KHDRBS2: variants seen among roughly 807,000 people sequenced by gnomAD.
KHDRBS2 encodes the protein KH RNA binding domain containing, signal transduction associated 2.
KHDRBS2 carries 26 observed loss-of-function variants against 44.3 expected under a neutral mutation model. The ratio of observed to expected loss-of-function variants is 0.59; its 90% CI spans 0.43 to 0.81. KHDRBS2 has a LOEUF of 0.81. Ranked by LOEUF, KHDRBS2 falls within the 40% of genes least tolerant of loss-of-function variation. KHDRBS2 has a pLI of 0.00. For missense variants in KHDRBS2, 476 were observed against 433.1 expected (o/e 1.10, Z -0.88); for synonymous variants, 194 against 151.1 (o/e 1.28, Z -2.08).
At chr6:62,202,927 T>C (rs1468068823) in intron 1 of KHDRBS2, among the ~76,000 whole-genome samples, 2 of 152,134 alleles carry the variant, frequency 1.3e-5, no homozygotes, top group African/African-American at 2.4e-5. Context: ...GAAAAGGTCA[T>C]AGCAACTATA....
At chr6:61,683,619 TATAG>T (rs1409636438) in intron 8 of KHDRBS2, among the ~76,000 whole-genome samples, 7 of 151,818 alleles carry the variant, frequency 4.6e-5, no homozygotes, top group African/African-American at 1.5e-4. Flanking sequence ...ATATATTTGT[TATAG>T]AGTTAAAGAT....
chr6:61,732,567 T>C (rs1462861904), intron 7 of KHDRBS2, 115 bp downstream of exon 7: 5 of 690,184 alleles, frequency 7.2e-6, no homozygotes, highest in Admixed American at 2.4e-5. Flanking sequence ...AGAAAGATAA[T>C]GGAGAAAAAA....
intron 7 of KHDRBS2, among the ~76,000 whole-genome samples, chr6:61,713,582 T>C (rs1407782793): frequency 1.9e-5 from 1 of 53,198 alleles, no homozygotes; most frequent in Non-Finnish European, 3.3e-5. Flanking sequence ...TACCTTTAGC[T>C]TTTTTTTTTT....
At chr6:61,826,626 C>T (rs1445167166) in intron 6 of KHDRBS2, among the ~76,000 whole-genome samples, 3 of 152,026 alleles carry the variant, frequency 2.0e-5, no homozygotes, top group Non-Finnish European at 4.4e-5. Context: ...TAGCAACCTG[C>T]CCCATACAGG....
chr6:62,048,530 A>T (rs899865881), intron 2 of KHDRBS2, among the ~76,000 whole-genome samples: 1 of 151,944 alleles, frequency 6.6e-6, no homozygotes. Context: ...TTTCATAATC[A>T]GGAATAAAGG....
At chr6:61,955,486 GTATGTATA>G (rs1766781812) in intron 4 of KHDRBS2, among the ~76,000 whole-genome samples, 2 of 86,156 alleles carry the variant, frequency 2.3e-5, no homozygotes, top group African/African-American at 8.1e-5. Context: ...ACATATGTAT[GTATGTATA>G]CATGTGTATA....
intron 4 of KHDRBS2, among the ~76,000 whole-genome samples, chr6:61,905,130 T>G (rs1326019927): frequency 6.6e-6 from 1 of 152,352 alleles, no homozygotes; most frequent in East Asian, 1.9e-4. Context: ...ATAAATTGTA[T>G]GTTGCCCAAT....
chr6:62,072,358 G>C (rs995516007), intron 2 of KHDRBS2, among the ~76,000 whole-genome samples: 1 of 152,094 alleles, frequency 6.6e-6, no homozygotes, highest in Admixed American at 6.6e-5. Context: ...TGATTGCCCT[G>C]GCCAGAACTT....
chr6:61,848,485 A>ACG (rs1442968974), intron 6 of KHDRBS2, among the ~76,000 whole-genome samples: 2 of 46,118 alleles, frequency 4.3e-5, no homozygotes, highest in Non-Finnish European at 7.5e-5. Flanking sequence ...ATATATATAT[A>ACG]TATATGTATA....
At chr6:61,746,747 A>G (rs1776914718) in intron 6 of KHDRBS2, among the ~76,000 whole-genome samples, 1 of 152,174 alleles carries the variant, frequency 6.6e-6, no homozygotes, top group Admixed American at 6.6e-5. Context: ...TTAAATACTT[A>G]AATGTAAAAC....
the KHDRBS2 span, among the ~76,000 whole-genome samples, chr6:61,606,749 G>A: frequency 7.9e-5 from 12 of 152,156 alleles, no homozygotes; most frequent in Non-Finnish European, 1.8e-4. Context: ...CCTAGATCTG[G>A]ATATTGAGGA....
chr6:61,653,274 G>A, the KHDRBS2 span, among the ~76,000 whole-genome samples: 1 of 152,082 alleles, frequency 6.6e-6, no homozygotes, highest in Non-Finnish European at 1.5e-5. Flanking sequence ...TGAAGTGCCT[G>A]TTTACCTTAT....
rs61194705 is a variant in KHDRBS2, at chr6:62,093,856, T to TTGTGTGTGTGTGTGTGTG, written c.220-45880_220-45863dup. 7.0e-5 allele frequency among the ~76,000 whole-genome samples: 10 copies of TTGTGTGTGTGTGTGTGTG among 143,308 alleles called. No individual in the cohort carries two copies. The South Asian group carries it at 1.1e-3, about 16-fold the overall frequency. 94.0% of individuals were successfully genotyped at this position (143,308 alleles called of 152,430 possible). A position where few individuals can be genotyped will look rare whatever the true frequency, so the allele number is the denominator to read the frequency against. ...TTATGGTGAATAGTATTCCATTGTT[T>TTGTGTGTGTGTGTGTGTG]TGTGTGTGTGTGTGTGTGTGTGTGT... On this transcript the variant is annotated intron_variant, in intron 2 of 8. Coordinates refer to ENST00000281156, the MANE Select transcript of KHDRBS2 (RefSeq NM_152688.4).
intron 2 of KHDRBS2, among the ~76,000 whole-genome samples, chr6:62,156,490 A>T (rs879640728): frequency 2.0e-5 from 3 of 152,176 alleles, no homozygotes; most frequent in South Asian, 4.1e-4. Flanking sequence ...TTAGTATAAA[A>T]CTATAAAATA....
chr6:61,848,554 TATATATATG>T (rs1794928111), intron 6 of KHDRBS2, among the ~76,000 whole-genome samples: 3 of 37,436 alleles, frequency 8.0e-5, no homozygotes, highest in African/African-American at 3.7e-4. Context: ...TATATATACA[TATATATATG>T]TATATATATA....
chr6:61,574,334 C>A, the KHDRBS2 span: 1 of 1,528,652 alleles, frequency 6.5e-7, no homozygotes, highest in South Asian at 1.2e-5. Context: ...ATGAATGGCT[C>A]GACGAGGTTT....
At chr6:61,869,693 A>G (rs496353) in intron 6 of KHDRBS2, among the ~76,000 whole-genome samples, 89,225 of 151,930 alleles carry the variant, frequency 0.59, 26,402 homozygotes, top group South Asian at 0.68. Flanking sequence ...GACAGTGGGT[A>G]CAGCTCATGG....
At chr6:61,916,168 T>C (rs1806957692) in intron 4 of KHDRBS2, among the ~76,000 whole-genome samples, 1 of 152,058 alleles carries the variant, frequency 6.6e-6, no homozygotes, top group African/African-American at 2.4e-5. Flanking sequence ...GATTTTCATA[T>C]GGCCTTGCTC....
the KHDRBS2 span, among the ~76,000 whole-genome samples, chr6:61,546,469 C>T: frequency 1.3e-5 from 2 of 151,938 alleles, no homozygotes; most frequent in Non-Finnish European, 2.9e-5. Context: ...CATAATGAAA[C>T]CAATTTTACC....
Sources: gnomAD v4.1 joint callset for allele counts (sites outside exome capture counted in the v4.1 genomes callset) on GRCh38, gnomAD v4.1.1 for gene constraint, MANE v1.5 for transcripts, NCBI Gene and HGNC (gene_info 2026-07-23, HGNC 2026-07-21) for gene names.